The following RNGTT variants were observed in gnomAD, a reference collection of about 807,000 sequenced individuals.
RNGTT encodes the protein RNA guanylyltransferase and 5'-phosphatase, also known as mRNA-capping enzyme.
Under a neutral mutation model 79.3 loss-of-function variants are expected in RNGTT, and 33 were observed. The observed-to-expected ratio is 0.42, with a 90% CI of 0.32 to 0.56. The LOEUF (loss-of-function observed/expected upper bound fraction) is 0.56. RNGTT is among the 20% of genes least tolerant of loss of function. The pLI is 0.17. For synonymous variants in RNGTT, 222 were observed against 235.9 expected (o/e 0.94, Z 0.54); for missense variants, 497 against 739.1 (o/e 0.67, Z 3.80).
intron 2 of RNGTT, among the ~76,000 whole-genome samples, chr6:88,936,645 G>A (rs1784674510): frequency 6.6e-6 from 1 of 152,174 alleles, no homozygotes; most frequent in South Asian, 2.1e-4. Flanking sequence ...CATGGTGTTT[G>A]TCCTTCATTC....
chr6:88,936,909 A>C (rs1008936331), intron 2 of RNGTT, among the ~76,000 whole-genome samples: 10 of 152,186 alleles, frequency 6.6e-5, no homozygotes, highest in African/African-American at 2.2e-4. Flanking sequence ...GAAATGTTTC[A>C]TTACTGATTA....
chr6:88,881,033 G>A (rs1782680126), intron 8 of RNGTT, among the ~76,000 whole-genome samples: 1 of 152,130 alleles, frequency 6.6e-6, no homozygotes, highest in African/African-American at 2.4e-5. Flanking sequence ...TTACACTCAA[G>A]TAGAACTGAC....
intron 4 of RNGTT, among the ~76,000 whole-genome samples, chr6:88,926,755 G>A (rs987157103): frequency 2.0e-5 from 3 of 152,148 alleles, no homozygotes; most frequent in Non-Finnish European, 4.4e-5. Context: ...CTCAGTTTAA[G>A]GGCATAACAA....
intron 13 of RNGTT, among the ~76,000 whole-genome samples, chr6:88,761,283 A>G (rs1006122748): frequency 6.6e-6 from 1 of 151,984 alleles, no homozygotes; most frequent in African/African-American, 2.4e-5. Context: ...TGAGGTCAGG[A>G]GTTTGCGACC....
chr6:88,801,959 T>A lies in RNGTT; in HGVS notation c.1270-327A>T, dbSNP rs141977008. Among the ~76,000 whole-genome samples the A allele has an allele frequency of 1.3e-3, 197 of 152,104 alleles. 1 individual carries two copies. Among genetic ancestry groups the A allele is most frequent in the Middle Eastern group, 3.4e-3 (1 of 294 alleles). Reference sequence around the variant, plus strand: ...ACTGAAAACATATTTTTAAATGTATTCCTAAGCCAGCACAAAAGGAAGAAA... The same window carrying A: ...ACTGAAAACATATTTTTAAATGTATACCTAAGCCAGCACAAAAGGAAGAAA... On this transcript the variant is annotated intron_variant, in intron 11 of 15. Coordinates refer to ENST00000369485, the MANE Select transcript of RNGTT (RefSeq NM_003800.5).
chr6:88,784,399 T>C (rs921673604), intron 12 of RNGTT, among the ~76,000 whole-genome samples: 1 of 152,156 alleles, frequency 6.6e-6, no homozygotes, highest in African/African-American at 2.4e-5. Flanking sequence ...ATGGGAATAC[T>C]GTGGAGGCAC....
intron 12 of RNGTT, among the ~76,000 whole-genome samples, chr6:88,799,602 A>C (rs1779717151): frequency 6.7e-6 from 1 of 149,514 alleles, no homozygotes. Flanking sequence ...CAGGAGGCTG[A>C]GGCAGGAGAA....
intron 14 of RNGTT, among the ~76,000 whole-genome samples, chr6:88,652,036 T>C (rs1003705742): frequency 6.6e-6 from 1 of 152,188 alleles, no homozygotes; most frequent in African/African-American, 2.4e-5. Context: ...AAAACTTAAA[T>C]ATCTTATAAT....
chr6:88,820,615 C>A (rs973610473), intron 11 of RNGTT, among the ~76,000 whole-genome samples: 7 of 152,182 alleles, frequency 4.6e-5, no homozygotes. Flanking sequence ...CAATCACTTT[C>A]CCACATACCA....
chr6:88,956,748 A>G (rs1417646272), intron 1 of RNGTT, among the ~76,000 whole-genome samples: 1 of 152,212 alleles, frequency 6.6e-6, no homozygotes, highest in Non-Finnish European at 1.5e-5. Flanking sequence ...ACACAAGTCA[A>G]TAAATGTTGG....
At chr6:88,869,179 T>C (rs1388119562) in intron 8 of RNGTT, among the ~76,000 whole-genome samples, 1 of 152,142 alleles carries the variant, frequency 6.6e-6, no homozygotes, top group Non-Finnish European at 1.5e-5. Flanking sequence ...GCACCAAATG[T>C]TTTAAGAGAG....
At chr6:88,913,204 C>CAA (rs1362127604) in intron 4 of RNGTT, among the ~76,000 whole-genome samples, 5 of 53,426 alleles carry the variant, frequency 9.4e-5, no homozygotes, top group African/African-American at 2.0e-4. Flanking sequence ...AGCTCTGTCT[C>CAA]AAAAAAAAAC....
intron 14 of RNGTT, among the ~76,000 whole-genome samples, chr6:88,658,404 G>A (rs1160635212): frequency 6.6e-6 from 1 of 152,224 alleles, no homozygotes; most frequent in African/African-American, 2.4e-5. Flanking sequence ...AAGATCTGAA[G>A]ATGGTTCACA....
In RNGTT at chr6:88,849,960, A is replaced by C. The variant is rs977380634; in HGVS notation, c.1033-134T>G. 7.8e-6 allele frequency: 6 copies of C among 772,244 alleles called. No homozygotes were observed. The African/African-American group carries it at 1.1e-4, about 14-fold the overall frequency. 47.8% of individuals were successfully genotyped at this position (772,244 alleles called of 1,614,324 possible). ...CTTGATGAAATTTCAAAGTGAACACACTTGTACCCAGATCATATCAATAAA... is the reference window on the plus strand; with the variant it reads ...CTTGATGAAATTTCAAAGTGAACACCCTTGTACCCAGATCATATCAATAAA... On this transcript the variant is annotated intron_variant, in intron 9 of 15. Transcript: ENST00000369485.
chr6:88,768,300 G>T (rs371905347), intron 13 of RNGTT, among the ~76,000 whole-genome samples: 4 of 151,918 alleles, frequency 2.6e-5, no homozygotes, highest in Non-Finnish European at 5.9e-5. Flanking sequence ...TAGAAACAGG[G>T]CCTCCTTATT....
chr6:88,758,386 G>A (rs1778092155), intron 13 of RNGTT, among the ~76,000 whole-genome samples: 1 of 152,136 alleles, frequency 6.6e-6, no homozygotes, highest in South Asian at 2.1e-4. Flanking sequence ...AACCAAGAAG[G>A]GGATAGTCAA....
chr6:88,669,713 A>G (rs537656537), intron 14 of RNGTT, among the ~76,000 whole-genome samples: 1 of 152,326 alleles, frequency 6.6e-6, no homozygotes, highest in East Asian at 1.9e-4. Flanking sequence ...TACCTGATCA[A>G]TGGGCAGGCA....
At chr6:88,942,203 TATG>T (rs1784872522) in intron 1 of RNGTT, among the ~76,000 whole-genome samples, 1 of 152,202 alleles carries the variant, frequency 6.6e-6, no homozygotes, top group South Asian at 2.1e-4. Flanking sequence ...CATGCTAGAA[TATG>T]ATATCATTCT....
intron 11 of RNGTT, among the ~76,000 whole-genome samples, chr6:88,823,401 A>G (rs893125518): frequency 6.6e-6 from 1 of 151,828 alleles, no homozygotes; most frequent in African/African-American, 2.4e-5. Context: ...GCACCATTGC[A>G]CTCCAGCCTG....
Sources: gnomAD v4.1 joint callset for allele counts (sites outside exome capture counted in the v4.1 genomes callset) on GRCh38, gnomAD v4.1.1 for gene constraint, MANE v1.5 for transcripts, NCBI Gene and HGNC (gene_info 2026-07-23, HGNC 2026-07-21) for gene names.